CAPN3: variants seen among roughly 807,000 people sequenced by gnomAD.
CAPN3 encodes calpain 3.
In CAPN3, 88 loss-of-function variants were observed where a neutral mutation model predicts 114.0. The ratio of observed to expected loss-of-function variants is 0.77; its 90% CI spans 0.65 to 0.92. The LOEUF (loss-of-function observed/expected upper bound fraction) is 0.92, where lower values mean the gene tolerates loss of function less well. Ranked by LOEUF, CAPN3 falls within the 40% of genes least tolerant of loss-of-function variation. CAPN3 has a pLI of 0.00. For missense variants in CAPN3, 1,028 were observed against 1,069.0 expected, an observed-to-expected ratio of 0.96 and a Z score of 0.53; for synonymous variants, 386 against 382.9, an observed-to-expected ratio of 1.01 and a Z score of -0.09.
intron 1 of CAPN3, among the ~76,000 whole-genome samples, chr15:42,370,094 A>G (rs1049080847): frequency 6.6e-6 from 1 of 151,866 alleles, no homozygotes; most frequent in Non-Finnish European, 1.5e-5. Flanking sequence ...GCTGGTCTCG[A>G]ACTCCTGACC....
chr15:42,369,251 C>T (rs1389161646), intron 1 of CAPN3, among the ~76,000 whole-genome samples: 1 of 152,050 alleles, frequency 6.6e-6, no homozygotes, highest in Non-Finnish European at 1.5e-5. Flanking sequence ...TTGGAGATGT[C>T]ATTTGTGGTT....
rs761435000 is a variant in CAPN3 at position 42,360,084 on chromosome 15, C to G, written c.279C>G (p.Phe93Leu). ...DETSLFYSQK[F>L]PIQFVWKRPP... ...CCTCTCTCTTTTATAGCCAGAAGTT[C>G]CCCATCCAGTTCGTCTGGAAGAGAC... The change falls in exon 1 of 24, where the codon TTC becomes TTG. Residue 93 changes from phenylalanine (F) to leucine (L), a missense_variant. Phe to Leu is a conservative substitution (Grantham distance 22). Coordinates refer to ENST00000397163, the MANE Select transcript of CAPN3 (RefSeq NM_000070.3). The G allele has an allele frequency of 6.2e-7, 1 of 1,614,216 alleles. No homozygotes were observed. The highest frequency in any genetic ancestry group is 1.7e-5 in the Admixed American group (1 of 60,024).
chr15:42,399,710 AGCCTAACTAGT>A, intron 10 of CAPN3, 58 bp downstream of exon 10: 5 of 1,386,558 alleles, frequency 3.6e-6, no homozygotes, highest in Non-Finnish European at 5.0e-6. Context: ...AGGCAGAAGA[AGCCTAACTAGT>A]GCTTATTAAG....
At chr15:42,366,674 AAAAG>A (rs746202217) in intron 1 of CAPN3, among the ~76,000 whole-genome samples, 5 of 152,100 alleles carry the variant, frequency 3.3e-5, no homozygotes, top group Non-Finnish European at 7.3e-5. Flanking sequence ...TTCGAGGAAG[AAAAG>A]AAAGAAAAAC....
At chr15:42,402,610 C>T in intron 12 of CAPN3, 184 bp from the exon 13 acceptor site, 2 of 1,516,986 alleles carry the variant, frequency 1.3e-6, no homozygotes, top group Non-Finnish European at 1.8e-6. Context: ...CTCTGAATCA[C>T]AACAGAAAAG....
At chr15:42,373,488 A>G (rs1022685680) in intron 1 of CAPN3, among the ~76,000 whole-genome samples, 1 of 152,214 alleles carries the variant, frequency 6.6e-6, no homozygotes, top group African/African-American at 2.4e-5. Context: ...GTTTCCTCCC[A>G]TGTCAGCTCC....
chr15:42,412,236 G>A lies in CAPN3; in HGVS notation c.*463G>A. Reference sequence around the variant, plus strand: ...AAACTAACTCAGTGGAATAGGGCTGGTTACTTTGGGCTGTCCAACTCATAA... The same window carrying A: ...AAACTAACTCAGTGGAATAGGGCTGATTACTTTGGGCTGTCCAACTCATAA... On this transcript the variant is annotated 3_prime_UTR_variant, in exon 24 of 24. Transcript: ENST00000397163. 2 of 1,509,400 alleles carry A rather than the reference G, an allele frequency of 1.3e-6. No individual in the cohort carries two copies. The highest frequency in any genetic ancestry group is 1.2e-5 in the South Asian group (1 of 82,896). The allele number at this position is 1,509,400 out of a possible 1,614,324, so 93.5% of individuals were successfully genotyped here. A position where few individuals can be genotyped will look rare whatever the true frequency, so the allele number is the denominator to read the frequency against.
At chr15:42,389,923 T>G in intron 5 of CAPN3, 30 bp from the exon 6 acceptor site, 3 of 1,613,706 alleles carry the variant, frequency 1.9e-6, no homozygotes, top group Non-Finnish European at 2.5e-6. Flanking sequence ...CTCCCCTGTG[T>G]TGTTCCCTAC....
chr15:42,392,599 TC>T, intron 6 of CAPN3, 39 bp from the exon 7 acceptor site: 1 of 1,516,738 alleles, frequency 6.6e-7, no homozygotes, highest in Non-Finnish European at 9.1e-7. Flanking sequence ...GAACTTCTGT[TC>T]CCCCGCCCCT....
rs372905232 is a variant in CAPN3, at chr15:42,403,678, G to A, written c.1746-63G>A. The A allele has an allele frequency of 6.1e-5, 91 of 1,501,556 alleles. No individual in the cohort carries two copies. The African/African-American group carries it at 1.1e-3, about 18-fold the overall frequency. The allele number at this position is 1,501,556 out of a possible 1,614,324, so 93.0% of individuals were successfully genotyped here. A position where few individuals can be genotyped will look rare whatever the true frequency, so the allele number is the denominator to read the frequency against. ...AGGAAGCCGTGCACCAGAGCAAACC[G>A]TCCACGGGCCTCCTGCTTGCTTCTG... On this transcript the variant is annotated intron_variant, in intron 13 of 23. Transcript: ENST00000397163.
chr15:42,359,958 T>G lies in CAPN3; in HGVS notation c.153T>G (p.Phe51Leu). The G allele has an allele frequency of 6.2e-7, 1 of 1,614,170 alleles. No homozygotes were observed. Among genetic ancestry groups the G allele is most frequent in the Non-Finnish European group, 8.5e-7 (1 of 1,180,032 alleles). ...ATTCAGCCATCATCAGCCGCAATTTTCCTATTATCGGAGTGAAAGAGAAGA... is the reference window on the plus strand; with the variant it reads ...ATTCAGCCATCATCAGCCGCAATTTGCCTATTATCGGAGTGAAAGAGAAGA... ...GIYSAIISRN[F>L]PIIGVKEKTF... The change falls in exon 1 of 24, where the codon TTT becomes TTG. Residue 51 changes from phenylalanine to leucine, a missense_variant. Transcript: ENST00000397163.
chr15:42,401,191 C>G (rs1356977149), intron 10 of CAPN3, among the ~76,000 whole-genome samples: 6 of 150,184 alleles, frequency 4.0e-5, no homozygotes, highest in African/African-American at 1.2e-4. Context: ...CAGACTCCGT[C>G]TCAAAAAAAA....
intron 1 of CAPN3, among the ~76,000 whole-genome samples, chr15:42,383,729 C>T (rs956004150): frequency 9.2e-5 from 14 of 152,014 alleles, no homozygotes; most frequent in East Asian, 7.8e-4. Flanking sequence ...CCTGTCACCA[C>T]GCCTGGCTAA....
At chr15:42,403,865 C>A in intron 14 of CAPN3, 88 bp downstream of exon 14, 1 of 1,188,126 alleles carries the variant, frequency 8.4e-7, no homozygotes, top group Non-Finnish European at 1.3e-6. Flanking sequence ...GGAGAATGGG[C>A]ACTGGCAGAG....
At chr15:42,404,738 A>G (rs1200204704) in intron 14 of CAPN3, 1 of 1,154,994 alleles carries the variant, frequency 8.7e-7, no homozygotes, top group Non-Finnish European at 1.1e-6. Context: ...GGGAGGACAA[A>G]TGCCCCTCTG....
chr15:42,403,142 T>G, intron 13 of CAPN3, 140 bp downstream of exon 13: 1 of 717,150 alleles, frequency 1.4e-6, no homozygotes, highest in Non-Finnish European at 2.5e-6. Flanking sequence ...TTACCCCCAT[T>G]CATTCATTCA....
At chr15:42,387,973 GCATGT>G (rs2053449713) in intron 4 of CAPN3, 87 bp downstream of exon 4, 2 of 1,526,738 alleles carry the variant, frequency 1.3e-6, no homozygotes, top group African/African-American at 2.7e-5. Context: ...ACAGGAAGAG[GCATGT>G]GCCTCTATAC....
Position 42,402,426 on chromosome 15 carries a change from CAG to C in CAPN3, c.1536+293_1536+294del, listed in dbSNP as rs929882859. 12 of 1,434,756 alleles carry C rather than the reference CAG, an allele frequency of 8.4e-6. No individual in the cohort carries two copies. In the Admixed American group the frequency reaches 1.4e-4, roughly 17 times the overall value. The allele number at this position is 1,434,756 out of a possible 1,614,324, so 88.9% of individuals were successfully genotyped here. On this transcript the variant is annotated intron_variant, in intron 12 of 23. Coordinates refer to ENST00000397163, the MANE Select transcript of CAPN3 (RefSeq NM_000070.3). ...GCTTACAGCCACACACACAGTCACA[CAG>C]ACGCGTTCTGAGGGTGGCTGCCCGC...
intron 1 of CAPN3, among the ~76,000 whole-genome samples, chr15:42,381,044 A>G (rs1267838171): frequency 6.6e-6 from 1 of 152,128 alleles, no homozygotes; most frequent in East Asian, 1.9e-4. Context: ...AGAACAAAGT[A>G]TTACCATTTC....
Sources: gnomAD v4.1 joint callset for allele counts (sites outside exome capture counted in the v4.1 genomes callset) on GRCh38, gnomAD v4.1.1 for gene constraint, MANE v1.5 for transcripts, NCBI Gene and HGNC (gene_info 2026-07-23, HGNC 2026-07-21) for gene names.